NAALADL2: variants seen among roughly 807,000 people sequenced by gnomAD.
NAALADL2 encodes N-acetylated alpha-linked acidic dipeptidase like 2.
A neutral mutation model predicts 87.2 loss-of-function variants in NAALADL2; 76 were observed. That is an observed-to-expected ratio of 0.87 (90% CI 0.72 to 1.05). The LOEUF (loss-of-function observed/expected upper bound fraction) is 1.05, where lower values mean the gene tolerates loss of function less well. Among genes scored for constraint, NAALADL2 ranks in the 50% least tolerant of loss-of-function variants. The probability of loss-of-function intolerance (pLI) is 0.00; values close to 1 mark genes in which losing one functional copy is unlikely to be tolerated. For missense variants in NAALADL2, 1,089 were observed against 945.8 expected (o/e 1.15, Z -1.99); for synonymous variants, 354 against 331.0 (o/e 1.07, Z -0.75).
intron 11 of NAALADL2, among the ~76,000 whole-genome samples, chr3:175,673,042 C>A (rs1734225766): frequency 6.6e-6 from 1 of 152,064 alleles, no homozygotes. Flanking sequence ...TAGATGTAAT[C>A]TTTCATATTG....
At chr3:175,515,661 T>C (rs902312669) in intron 9 of NAALADL2, among the ~76,000 whole-genome samples, 1 of 151,792 alleles carries the variant, frequency 6.6e-6, no homozygotes. Flanking sequence ...CCAATGAAAG[T>C]TGGGCATCAG....
At chr3:175,524,036 A>G (rs1033788778) in intron 9 of NAALADL2, among the ~76,000 whole-genome samples, 7 of 152,156 alleles carry the variant, frequency 4.6e-5, no homozygotes, top group South Asian at 2.1e-4. Flanking sequence ...GGCATGTTTT[A>G]AAAAGCTTTC....
chr3:174,887,185 T>A (rs574788217), intron 1 of NAALADL2, among the ~76,000 whole-genome samples: 5 of 151,680 alleles, frequency 3.3e-5, no homozygotes, highest in Admixed American at 1.3e-4. Flanking sequence ...GAAGTTTGTT[T>A]TAGGCATCTT....
chr3:174,548,274 C>T (rs1711621252), intron 1 of NAALADL2, among the ~76,000 whole-genome samples: 2 of 151,934 alleles, frequency 1.3e-5, no homozygotes, highest in Non-Finnish European at 2.9e-5. Context: ...TTAAAGGGTA[C>T]ATAACACACC....
intron 13 of NAALADL2, among the ~76,000 whole-genome samples, chr3:175,786,002 T>G (rs549564879): frequency 1.3e-5 from 2 of 152,260 alleles, no homozygotes; most frequent in African/African-American, 4.8e-5. Flanking sequence ...GGGTTGAAAA[T>G]TCTTTTAAGA....
At chr3:175,119,818 AG>A (rs1278310702) in intron 2 of NAALADL2, among the ~76,000 whole-genome samples, 3 of 145,326 alleles carry the variant, frequency 2.1e-5, no homozygotes, top group Non-Finnish European at 4.5e-5. Flanking sequence ...TATATATAAA[AG>A]TATATATATA....
chr3:174,476,023 A>C (rs543664549), intron 1 of NAALADL2, among the ~76,000 whole-genome samples: 1 of 152,148 alleles, frequency 6.6e-6, no homozygotes, highest in Admixed American at 6.5e-5. Flanking sequence ...ACACTAAAAT[A>C]TTAATGCATT....
intron 2 of NAALADL2, among the ~76,000 whole-genome samples, chr3:174,705,584 A>G (rs1729977953): frequency 6.6e-6 from 1 of 152,076 alleles, no homozygotes; most frequent in Admixed American, 6.5e-5. Context: ...GGAGATCGAG[A>G]CCATCCTGGC....
chr3:175,118,101 A>T lies in NAALADL2; in HGVS notation c.545+20810A>T, dbSNP rs1281795736. On this transcript the variant is annotated intron_variant, in intron 2 of 13. Transcript: ENST00000454872. ...GGAAACAGGATGGGGAACATCACAC[A>T]CTGGGGCCTGTCGTAGGGTGGGGGG... Among the ~76,000 whole-genome samples the T allele has an allele frequency of 2.3e-5, 3 of 129,160 alleles. No individual in the cohort carries two copies. The East Asian group carries it at 7.1e-4, about 31-fold the overall frequency. The allele number at this position is 129,160 out of a possible 152,430, so 84.7% of individuals were successfully genotyped here. A position where few individuals can be genotyped will look rare whatever the true frequency, so the allele number is the denominator to read the frequency against.
intron 5 of NAALADL2, among the ~76,000 whole-genome samples, chr3:175,384,717 T>C (rs1768159856): frequency 1.3e-5 from 2 of 151,484 alleles, no homozygotes; most frequent in South Asian, 4.1e-4. Flanking sequence ...TACCAATATA[T>C]TTATTTATTA....
chr3:174,883,366 A>G (rs188485530), intron 1 of NAALADL2, among the ~76,000 whole-genome samples: 19 of 152,254 alleles, frequency 1.2e-4, no homozygotes, highest in Non-Finnish European at 1.5e-4. Flanking sequence ...ATCTCTTGAG[A>G]TCATTCATAA....
At chr3:174,494,907 G>C (rs1043972552) in intron 1 of NAALADL2, among the ~76,000 whole-genome samples, 11 of 152,116 alleles carry the variant, frequency 7.2e-5, no homozygotes, top group African/African-American at 2.4e-4. Flanking sequence ...GGCATGATCA[G>C]TTTGAGGTAA....
chr3:175,467,120 C>CTATT lies in NAALADL2; in HGVS notation c.1470_1473dup (p.Val492TyrfsTer18). On this transcript the variant is annotated frameshift_variant, in exon 8 of 14. Transcript: ENST00000454872. LOFTEE classifies it high-confidence loss of function. ...AAGAGAGGGTGGAGACCAGACCGAA[C>CTATT]TATTGTTTTCTGTTCTTGGGGAGGA... 9 of 1,613,856 alleles carry CTATT rather than the reference C, an allele frequency of 5.6e-6. No individual in the cohort carries two copies. The highest frequency in any genetic ancestry group is 7.6e-6 in the Non-Finnish European group (9 of 1,179,832).
chr3:175,510,234 C>T (rs1030500692), intron 9 of NAALADL2, among the ~76,000 whole-genome samples: 2 of 152,092 alleles, frequency 1.3e-5, no homozygotes, highest in African/African-American at 4.8e-5. Flanking sequence ...CTATCATGAG[C>T]TCACTCACTG....
chr3:174,859,325 T>C (rs1454710451), upstream of NAALADL2: 2 of 995,958 alleles, frequency 2.0e-6, no homozygotes, highest in Admixed American at 4.0e-5. Flanking sequence ...AATACTACAG[T>C]AGAAAGTCAG....
At chr3:175,530,915 A>T (rs1420736494) in intron 9 of NAALADL2, among the ~76,000 whole-genome samples, 1 of 152,194 alleles carries the variant, frequency 6.6e-6, no homozygotes, top group East Asian at 1.9e-4. Context: ...ACCAAAGCCC[A>T]GTAACAGGCC....
At chr3:174,761,124 CCTTCTA>C (rs1195020962) in intron 3 of NAALADL2, among the ~76,000 whole-genome samples, 7 of 152,226 alleles carry the variant, frequency 4.6e-5, no homozygotes, top group African/African-American at 1.7e-4. Flanking sequence ...GACTTTAAAC[CCTTCTA>C]CTTCTAAAGA....
intron 1 of NAALADL2, among the ~76,000 whole-genome samples, chr3:174,868,229 G>A (rs1031737230): frequency 7.9e-5 from 12 of 151,986 alleles, no homozygotes; most frequent in South Asian, 2.1e-4. Flanking sequence ...GTGAGGTATC[G>A]AAATACTAAT....
At chr3:175,016,032 C>A (rs560267688) in intron 1 of NAALADL2, among the ~76,000 whole-genome samples, 48 of 151,684 alleles carry the variant, frequency 3.2e-4, no homozygotes, top group African/African-American at 1.1e-3. Context: ...TTCAGGAACT[C>A]ATCTACATTT....
Sources: gnomAD v4.1 joint callset for allele counts (sites outside exome capture counted in the v4.1 genomes callset) on GRCh38, gnomAD v4.1.1 for gene constraint, MANE v1.5 for transcripts, NCBI Gene and HGNC (gene_info 2026-07-23, HGNC 2026-07-21) for gene names.